Variants in DEPTOR observed in about 807,000 individuals in gnomAD.
The protein encoded by DEPTOR is DEP domain containing MTOR interacting protein, also known as DEP domain-containing mTOR-interacting protein.
In DEPTOR, 41 loss-of-function variants were observed where a neutral mutation model predicts 41.6. The observed-to-expected ratio is 0.98, with a 90% CI of 0.77 to 1.28. The LOEUF (loss-of-function observed/expected upper bound fraction) is 1.28. Ranked by LOEUF, DEPTOR falls within the 50% of genes most tolerant of loss-of-function variation. The pLI is 0.00. For missense variants in DEPTOR, 514 were observed against 527.9 expected (o/e 0.97, Z 0.26); for synonymous variants, 195 against 192.3 (o/e 1.01, Z -0.12).
intron 8 of DEPTOR, among the ~76,000 whole-genome samples, chr8:120,018,423 A>G (rs547161473): frequency 6.6e-6 from 1 of 152,280 alleles, no homozygotes; most frequent in South Asian, 2.1e-4. Context: ...ACTAACAAAT[A>G]CAAAAATTAG....
intron 3 of DEPTOR, among the ~76,000 whole-genome samples, chr8:119,946,421 A>G (rs1183439805): frequency 6.6e-6 from 1 of 151,368 alleles, no homozygotes; most frequent in Non-Finnish European, 1.5e-5. Flanking sequence ...CCACCACCCA[A>G]ATAGTGTTTG....
intron 8 of DEPTOR, among the ~76,000 whole-genome samples, chr8:120,013,678 G>C (rs970682006): frequency 3.3e-5 from 5 of 152,166 alleles, no homozygotes; most frequent in Non-Finnish European, 7.3e-5. Context: ...GCTGACCTAG[G>C]ATAGTGTAAA....
At chr8:119,874,125 T>C in intron 1 of DEPTOR, 157 bp downstream of exon 1, 1 of 1,246,442 alleles carries the variant, frequency 8.0e-7, no homozygotes, top group Non-Finnish European at 1.1e-6. Context: ...GCGCCCGCGC[T>C]TAGCTGCTGC....
At chr8:119,932,491 C>A (rs1828057923) in intron 3 of DEPTOR, among the ~76,000 whole-genome samples, 1 of 152,224 alleles carries the variant, frequency 6.6e-6, no homozygotes, top group African/African-American at 2.4e-5. Flanking sequence ...GATCTCCCTT[C>A]CATCCTATGG....
intron 4 of DEPTOR, among the ~76,000 whole-genome samples, chr8:119,985,317 C>CT (rs1303667908): frequency 3.3e-5 from 5 of 151,204 alleles, no homozygotes; most frequent in African/African-American, 7.3e-5. Context: ...TGATGATGAG[C>CT]TTTTTTTTTC....
At chr8:119,916,092 C>T (rs1223771872) in intron 1 of DEPTOR, among the ~76,000 whole-genome samples, 2 of 151,892 alleles carry the variant, frequency 1.3e-5, no homozygotes, top group East Asian at 1.9e-4. Context: ...AAAGTAAAGG[C>T]ACTGAGAAGT....
chr8:120,044,146 A>G (rs981537054), intron 8 of DEPTOR, among the ~76,000 whole-genome samples: 10 of 151,770 alleles, frequency 6.6e-5, no homozygotes, highest in African/African-American at 2.4e-4. Flanking sequence ...CAGAGAACCA[A>G]GCTTTTTATT....
At chr8:119,986,840 G>A (rs552772943) in intron 4 of DEPTOR, among the ~76,000 whole-genome samples, 1 of 151,472 alleles carries the variant, frequency 6.6e-6, no homozygotes, top group Non-Finnish European at 1.5e-5. Context: ...ACTTGTGTAT[G>A]CTTCACAAAG....
At chr8:119,965,669 A>G (rs1828549695) in intron 4 of DEPTOR, among the ~76,000 whole-genome samples, 1 of 152,208 alleles carries the variant, frequency 6.6e-6, no homozygotes. Flanking sequence ...TAAAGAGGGC[A>G]GGCAGGTTCT....
chr8:119,899,256 T>C (rs1194760616), intron 1 of DEPTOR, among the ~76,000 whole-genome samples: 2 of 152,218 alleles, frequency 1.3e-5, no homozygotes, highest in African/African-American at 2.4e-5. Context: ...AGAAACCTGT[T>C]ATTTAGCTGG....
chr8:119,937,390 C>G (rs561179393), intron 3 of DEPTOR, among the ~76,000 whole-genome samples: 17 of 152,288 alleles, frequency 1.1e-4, no homozygotes, highest in Admixed American at 3.3e-4. Context: ...CAGAGCAAGA[C>G]TGTCTCAAAA....
chr8:120,017,318 CT>C (rs1272530643), intron 8 of DEPTOR, among the ~76,000 whole-genome samples: 6 of 152,144 alleles, frequency 3.9e-5, no homozygotes, highest in Non-Finnish European at 7.4e-5. Context: ...GGTCACCCAG[CT>C]TGTAAATGTC....
At chr8:119,898,990 T>G (rs1161498307) in intron 1 of DEPTOR, among the ~76,000 whole-genome samples, 1 of 152,186 alleles carries the variant, frequency 6.6e-6, no homozygotes, top group Non-Finnish European at 1.5e-5. Flanking sequence ...TTTGGTGAAA[T>G]TCATATGAGA....
At chr8:119,966,361 G>A (rs2129971573) in intron 4 of DEPTOR, among the ~76,000 whole-genome samples, 1 of 152,298 alleles carries the variant, frequency 6.6e-6, no homozygotes, top group Admixed American at 6.5e-5. Context: ...GGCTACTCAG[G>A]AAGTAATCTA....
At chr8:119,914,557 A>G (rs919998612) in intron 1 of DEPTOR, among the ~76,000 whole-genome samples, 1 of 151,936 alleles carries the variant, frequency 6.6e-6, no homozygotes, top group Non-Finnish European at 1.5e-5. Flanking sequence ...CTCCTGCCTC[A>G]GCCTCCCTAG....
chr8:119,977,507 T>C (rs1828711756), intron 4 of DEPTOR, among the ~76,000 whole-genome samples: 1 of 152,220 alleles, frequency 6.6e-6, no homozygotes, highest in South Asian at 2.1e-4. Context: ...ATTTAGACTT[T>C]CTGGGCATTT....
chr8:119,973,182 G>GC (rs763858148), intron 4 of DEPTOR, among the ~76,000 whole-genome samples: 44 of 151,786 alleles, frequency 2.9e-4, no homozygotes, highest in Admixed American at 5.3e-4. Flanking sequence ...CAGGTGATCT[G>GC]CCCACCTCAG....
At position 119,964,515 on chromosome 8, in the gene DEPTOR, C is replaced by CAAAAA. The variant is rs536731714; in HGVS notation, c.426-688_426-684dup. On this transcript the variant is annotated intron_variant, in intron 3 of 8. Transcript: ENST00000286234. ...GGGCAACAAGAGTGAAAGCCCGTCTCAAAAAAAAAAAAAAAAAAAAAAAAA... is the reference window on the plus strand; with the variant it reads ...GGGCAACAAGAGTGAAAGCCCGTCTCAAAAAAAAAAAAAAAAAAAAAAAAAAAAAA... Among the ~76,000 whole-genome samples the CAAAAA allele has an allele frequency of 2.5e-3, 304 of 121,622 alleles. 9 individuals carry two copies. The highest frequency in any genetic ancestry group is 8.5e-3 in the African/African-American group (259 of 30,400). 79.8% of individuals were successfully genotyped at this position (121,622 alleles called of 152,430 possible).
At chr8:119,972,346 G>A (rs978166497) in intron 4 of DEPTOR, among the ~76,000 whole-genome samples, 1 of 152,140 alleles carries the variant, frequency 6.6e-6, no homozygotes, top group African/African-American at 2.4e-5. Context: ...CTGAAGGCTG[G>A]GCATTGTGGC....
Sources: allele counts gnomAD v4.1 joint callset (sites outside exome capture counted in the v4.1 genomes callset), GRCh38; gene constraint gnomAD v4.1.1; transcripts MANE v1.5; gene names NCBI Gene and HGNC (gene_info 2026-07-23, HGNC 2026-07-21).